KCNN2: variants seen among roughly 807,000 people sequenced by gnomAD.
KCNN2 encodes the protein potassium calcium-activated channel subfamily N member 2, also known as small conductance calcium-activated potassium channel protein 2.
Under a neutral mutation model 55.5 loss-of-function variants are expected in KCNN2, and 24 were observed. The ratio of observed to expected loss-of-function variants is 0.43; its 90% CI spans 0.31 to 0.61. KCNN2 has a LOEUF of 0.61. Ranked by LOEUF, KCNN2 falls within the 20% of genes least tolerant of loss-of-function variation. KCNN2 has a pLI of 0.08. For synonymous variants in KCNN2, 431 were observed against 336.1 expected (o/e 1.28, Z -3.09); for missense variants, 754 against 853.6 (o/e 0.88, Z 1.45).
chr5:114,192,332 C>T (rs1753466866), intron 1 of KCNN2, among the ~76,000 whole-genome samples: 1 of 152,178 alleles, frequency 6.6e-6, no homozygotes, highest in Non-Finnish European at 1.5e-5. Flanking sequence ...TGATAAATCA[C>T]AGTGACTTAG....
At chr5:114,128,274 C>T (rs567878882) in intron 1 of KCNN2, among the ~76,000 whole-genome samples, 34 of 152,048 alleles carry the variant, frequency 2.2e-4, no homozygotes, top group Non-Finnish European at 4.6e-4. Context: ...CTGGGGAGGC[C>T]TCAGGAAATT....
chr5:114,362,872 C>T lies in KCNN2; in HGVS notation c.733C>T (p.Pro245Ser), dbSNP rs765057215. ...NLHEMDSEAQ[P>S]LQPPASVGGG... is the part of the protein sequence containing the mutation. ...GCACGAGATGGACTCAGAGGCGCAG[C>T]CCCTGCAGCCCCCCGCGTCTGTCGG... The change falls in exon 1 of 8, where the codon CCC becomes TCC. Residue 245 changes from proline (P) to serine (S), a missense_variant. This residue lies in a region of KCNN2 where 381 missense variants were observed against 259.1 expected (regional missense o/e 1.47). Transcript: ENST00000673685. 29 of 1,598,640 alleles carry T rather than the reference C, an allele frequency of 1.8e-5. No individual in the cohort carries two copies. Among genetic ancestry groups the T allele is most frequent in the Non-Finnish European group, 2.4e-5 (28 of 1,178,630 alleles).
chr5:114,222,416 T>A (rs1312770866), intron 2 of KCNN2, among the ~76,000 whole-genome samples: 1 of 152,172 alleles, frequency 6.6e-6, no homozygotes, highest in Non-Finnish European at 1.5e-5. Context: ...TATCAAAAAA[T>A]TGAACTAAGT....
intron 1 of KCNN2, among the ~76,000 whole-genome samples, chr5:114,131,842 C>T (rs528112640): frequency 6.6e-6 from 1 of 152,290 alleles, no homozygotes; most frequent in South Asian, 2.1e-4. Flanking sequence ...AAGATGGTAT[C>T]TCATTGTGGT....
Position 114,471,655 on chromosome 5 carries a change from C to T in KCNN2, c.1780-1399C>T, listed in dbSNP as rs76440558. On this transcript the variant is annotated intron_variant, in intron 4 of 7. Coordinates refer to ENST00000673685, the MANE Select transcript of KCNN2 (RefSeq NM_021614.4). Reference sequence around the variant, plus strand: ...CATCTCTAAAATCAGAAGGCTAAATCAGAATGTCTAAATACTTGGCAACCT... The same window carrying T: ...CATCTCTAAAATCAGAAGGCTAAATTAGAATGTCTAAATACTTGGCAACCT... Among the ~76,000 whole-genome samples the T allele has an allele frequency of 4.6e-3, 696 of 152,274 alleles. 31 individuals carry two copies. The East Asian group carries it at 0.1, about 22-fold the overall frequency.
intron 2 of KCNN2, among the ~76,000 whole-genome samples, chr5:114,313,763 T>G (rs938113850): frequency 6.6e-6 from 1 of 152,152 alleles, no homozygotes; most frequent in African/African-American, 2.4e-5. Context: ...AAGACAGGCT[T>G]TTGCAGCTAA....
intron 1 of KCNN2, among the ~76,000 whole-genome samples, chr5:114,099,808 G>A (rs1352243): frequency 0.11 from 16,759 of 151,972 alleles, 1,162 homozygotes; most frequent in Non-Finnish European, 0.14. Flanking sequence ...TAGGTATTAC[G>A]TTTGAATTGA....
intron 1 of KCNN2, among the ~76,000 whole-genome samples, chr5:114,178,842 G>T (rs182033887): frequency 1.6e-4 from 24 of 152,266 alleles, no homozygotes; most frequent in African/African-American, 5.5e-4. Flanking sequence ...TGATGTCTGG[G>T]TTGACATATT....
chr5:114,442,655 G>T (rs904956070), intron 3 of KCNN2, among the ~76,000 whole-genome samples: 1 of 152,060 alleles, frequency 6.6e-6, no homozygotes, highest in Non-Finnish European at 1.5e-5. Context: ...GGCAAACGAC[G>T]GAAGACTCAG....
chr5:114,491,608 T>G (rs1435658212), intron 6 of KCNN2, among the ~76,000 whole-genome samples: 1 of 149,782 alleles, frequency 6.7e-6, no homozygotes, highest in Non-Finnish European at 1.5e-5. Context: ...CTTGCAGTAA[T>G]GAAGAATTAG....
intron 1 of KCNN2, among the ~76,000 whole-genome samples, chr5:114,075,227 G>A (rs1750661524): frequency 6.6e-6 from 1 of 152,166 alleles, no homozygotes; most frequent in South Asian, 2.1e-4. Context: ...TTTCTTTAAG[G>A]TGTCATTGAG....
At chr5:114,334,165 T>G (rs1325217860) in intron 2 of KCNN2, among the ~76,000 whole-genome samples, 1 of 152,150 alleles carries the variant, frequency 6.6e-6, no homozygotes, top group Non-Finnish European at 1.5e-5. Context: ...TAGTTATTAT[T>G]TTATTATTTC....
intron 2 of KCNN2, among the ~76,000 whole-genome samples, chr5:114,341,348 A>G (rs1757011512): frequency 6.6e-6 from 1 of 152,212 alleles, no homozygotes; most frequent in Non-Finnish European, 1.5e-5. Flanking sequence ...TCTGGAAGTA[A>G]AGGTGCATCT....
At chr5:114,321,235 A>T (rs1186322476) in intron 2 of KCNN2, among the ~76,000 whole-genome samples, 1 of 152,060 alleles carries the variant, frequency 6.6e-6, no homozygotes, top group Non-Finnish European at 1.5e-5. Context: ...CTTACCTTAT[A>T]TTGAGGGTTT....
intron 2 of KCNN2, among the ~76,000 whole-genome samples, chr5:114,233,781 A>G (rs1398959177): frequency 6.6e-6 from 1 of 152,172 alleles, no homozygotes; most frequent in Non-Finnish European, 1.5e-5. Context: ...AGTGTGCTTT[A>G]TCTTTGATTG....
intron 1 of KCNN2, among the ~76,000 whole-genome samples, chr5:114,075,622 C>A (rs1226931909): frequency 2.0e-5 from 3 of 152,188 alleles, no homozygotes; most frequent in Non-Finnish European, 4.4e-5. Flanking sequence ...CCCACCCTTC[C>A]ATTTGTATAC....
intron 3 of KCNN2, among the ~76,000 whole-genome samples, chr5:114,444,342 G>C (rs992839592): frequency 1.4e-4 from 21 of 152,028 alleles, no homozygotes; most frequent in African/African-American, 4.8e-4. Flanking sequence ...AGAAATCACT[G>C]ACTTCGGAAT....
At chr5:114,216,238 TTCC>T (rs1204123493) in intron 1 of KCNN2, among the ~76,000 whole-genome samples, 3 of 152,162 alleles carry the variant, frequency 2.0e-5, no homozygotes. Flanking sequence ...AGTAAATTAT[TTCC>T]TCATTTTTTT....
chr5:114,127,326 C>T (rs754952862), intron 1 of KCNN2, among the ~76,000 whole-genome samples: 19 of 152,298 alleles, frequency 1.2e-4, no homozygotes, highest in Admixed American at 2.0e-4. Context: ...AACATGCAGG[C>T]GTTTCCGTAC....
Sources: gnomAD v4.1 joint callset for allele counts (sites outside exome capture counted in the v4.1 genomes callset) on GRCh38, gnomAD v4.1.1 for gene constraint, gnomAD v4.1.1 regional missense constraint, MANE v1.5 for transcripts, NCBI Gene and HGNC (gene_info 2026-07-23, HGNC 2026-07-21) for gene names.